The following CEP350 variants were observed in gnomAD, a reference collection of about 807,000 sequenced individuals.
CEP350 encodes centrosome-associated protein 350.
Under a neutral mutation model 331.8 loss-of-function variants are expected in CEP350, and 126 were observed. The ratio of observed to expected loss-of-function variants is 0.38; its 90% CI spans 0.33 to 0.44. The LOEUF (loss-of-function observed/expected upper bound fraction) is 0.44. CEP350 is among the 20% of genes least tolerant of loss of function. CEP350 has a pLI of 1.00. For synonymous variants in CEP350, 1,200 were observed against 1,259.5 expected, an observed-to-expected ratio of 0.95 and a Z score of 1.00; for missense variants, 3,406 against 3,634.6, an observed-to-expected ratio of 0.94 and a Z score of 1.62.
chr1:180,055,619 C>A (rs1057025541), intron 25 of CEP350, among the ~76,000 whole-genome samples: 2 of 131,280 alleles, frequency 1.5e-5, no homozygotes, highest in Non-Finnish European at 3.1e-5. Flanking sequence ...GGCGCTATCT[C>A]GGCTCACTGC....
intron 1 of CEP350, among the ~76,000 whole-genome samples, chr1:179,965,125 A>C (rs1415504922): frequency 2.0e-5 from 3 of 152,014 alleles, no homozygotes; most frequent in African/African-American, 7.2e-5. Context: ...GTTTCAAAGA[A>C]TTTTTTTATT....
chr1:180,037,777 G>A (rs368511063), intron 17 of CEP350, among the ~76,000 whole-genome samples: 2 of 152,172 alleles, frequency 1.3e-5, no homozygotes, highest in Admixed American at 1.3e-4. Context: ...AGCCTCCCAA[G>A]TAGCTGGGAC....
At chr1:179,993,399 A>G (rs1223724494) in intron 5 of CEP350, among the ~76,000 whole-genome samples, 2 of 152,140 alleles carry the variant, frequency 1.3e-5, no homozygotes, top group African/African-American at 4.8e-5. Flanking sequence ...AAATAATACT[A>G]CTTTACATTT....
intron 28 of CEP350, among the ~76,000 whole-genome samples, chr1:180,075,946 T>C (rs1659199167): frequency 6.6e-6 from 1 of 150,794 alleles, no homozygotes; most frequent in South Asian, 2.1e-4. Context: ...ACAGCGAGAC[T>C]CCGTATCTCA....
At position 180,087,489 on chromosome 1, in the gene CEP350, A is replaced by G. The variant is rs183973570; in HGVS notation, c.6286-89A>G. Reference sequence around the variant, plus strand: ...TATATTACATCTTCTTTACTGTTTGAGCATTTTACCTTAAAATATACTATT... The same window carrying G: ...TATATTACATCTTCTTTACTGTTTGGGCATTTTACCTTAAAATATACTATT... On this transcript the variant is annotated intron_variant, in intron 31 of 37. Coordinates refer to ENST00000367607, the MANE Select transcript of CEP350 (RefSeq NM_014810.5). 1.5e-4 allele frequency: 183 copies of G among 1,202,492 alleles called. No homozygotes were observed. The African/African-American group carries it at 1.6e-3, about 11-fold the overall frequency. The allele number at this position is 1,202,492 out of a possible 1,614,324, so 74.5% of individuals were successfully genotyped here.
chr1:180,089,539 C>T (rs758719743), intron 32 of CEP350, among the ~76,000 whole-genome samples: 1 of 150,550 alleles, frequency 6.6e-6, no homozygotes, highest in Admixed American at 6.6e-5. Flanking sequence ...GCCGAGATCA[C>T]GCCATTGCAC....
chr1:180,044,713 A>G (rs1301132085), intron 21 of CEP350, among the ~76,000 whole-genome samples: 2 of 150,084 alleles, frequency 1.3e-5, no homozygotes, highest in Admixed American at 6.6e-5. Context: ...GCATTAGGAG[A>G]TATACCTAAT....
chr1:180,006,587 C>G lies in CEP350; in HGVS notation c.1246+20C>G. 8.6e-7 allele frequency: 1 copy of G among 1,163,082 alleles called. No individual in the cohort carries two copies. 72.0% of individuals were successfully genotyped at this position (1,163,082 alleles called of 1,614,324 possible). On this transcript the variant is annotated intron_variant, in intron 8 of 37. Coordinates refer to ENST00000367607, the MANE Select transcript of CEP350 (RefSeq NM_014810.5). Reference sequence around the variant, plus strand: ...GAACAGGTTAGTTTTCTCAACATGTCCATCCTTTTTTTTTGTTTTTAATTA... The same window carrying G: ...GAACAGGTTAGTTTTCTCAACATGTGCATCCTTTTTTTTTGTTTTTAATTA...
At chr1:180,015,991 G>A (rs1048555677) in intron 11 of CEP350, 21 bp downstream of exon 11, 4 of 1,610,772 alleles carry the variant, frequency 2.5e-6, no homozygotes, top group Non-Finnish European at 3.4e-6. Flanking sequence ...AAGAATGAAA[G>A]ATGATTAAGA....
intron 1 of CEP350, among the ~76,000 whole-genome samples, chr1:179,955,823 CCTT>C (rs965314996): frequency 5.9e-5 from 9 of 152,286 alleles, no homozygotes; most frequent in African/African-American, 2.2e-4. Context: ...AGTAGCAAAT[CCTT>C]CATATGGGAA....
In CEP350 at chr1:180,078,308, A is replaced by G. The variant is rs12093463; in HGVS notation, c.5768-155A>G. 3.5e-3 allele frequency among the ~76,000 whole-genome samples: 529 copies of G among 152,326 alleles called. 5 individuals carry two copies. Among genetic ancestry groups the G allele is most frequent in the African/African-American group, 0.012 (500 of 41,568 alleles). On this transcript the variant is annotated intron_variant, in intron 28 of 37. Transcript: ENST00000367607. ...AGACTGTGAAATAGATAACCCAGAA[A>G]TAGATCTGTGCATCTGTGGAAGCTA...
chr1:180,009,448 G>T (rs1654479756), intron 8 of CEP350, among the ~76,000 whole-genome samples: 1 of 152,200 alleles, frequency 6.6e-6, no homozygotes, highest in South Asian at 2.1e-4. Flanking sequence ...CAGTTTTGTG[G>T]TAGGCTAATT....
rs1661531104 is a variant in CEP350 at position 180,112,951 on chromosome 1, T to C, written c.*1790T>C. The C allele has an allele frequency of 5.2e-5, 8 of 152,744 alleles. 1 individual carries two copies. In the South Asian group the frequency reaches 1.7e-3, roughly 32 times the overall value. The allele number at this position is 152,744 out of a possible 1,614,324, so 9.5% of individuals were successfully genotyped here. On this transcript the variant is annotated 3_prime_UTR_variant, in exon 38 of 38. Coordinates refer to ENST00000367607, the MANE Select transcript of CEP350 (RefSeq NM_014810.5). The stretch of plus-strand genomic sequence containing the variant: ...GACAAATAAGGAAAGCACTGAAATG[T>C]TGTGATTGGGTCTCGGGAAATGCTC...
At chr1:180,035,070 T>C (rs1386431754) in intron 16 of CEP350, among the ~76,000 whole-genome samples, 5 of 152,160 alleles carry the variant, frequency 3.3e-5, no homozygotes, top group African/African-American at 4.8e-5. Context: ...AAAATAGCCT[T>C]ATTGCTGATA....
intron 1 of CEP350, among the ~76,000 whole-genome samples, chr1:179,964,080 A>G (rs1049939728): frequency 6.6e-6 from 1 of 152,034 alleles, no homozygotes; most frequent in Non-Finnish European, 1.5e-5. Flanking sequence ...TCATGTGGCT[A>G]TTATAGATGG....
Position 180,020,344 on chromosome 1 carries a change from G to A in CEP350, c.2570G>A (p.Trp857Ter). ...GCCAGCATTAACTATGGGTCAGCATGGAACACTGAGTATGATGTGCAGCAG... is the reference window on the plus strand; with the variant it reads ...GCCAGCATTAACTATGGGTCAGCATAGAACACTGAGTATGATGTGCAGCAG... The part of the protein sequence containing the change: ...AGASINYGSA[W>*]NTEYDVQQAP... Residue 857 changes from tryptophan to a stop codon, truncating the protein, a stop_gained, in exon 12 of 38, where the codon TGG (tryptophan) becomes TAG (stop). Coordinates refer to ENST00000367607, the MANE Select transcript of CEP350 (RefSeq NM_014810.5). LOFTEE classifies it high-confidence loss of function. The A allele has an allele frequency of 6.2e-7, 1 of 1,613,822 alleles. No individual in the cohort carries two copies. Among genetic ancestry groups the A allele is most frequent in the Non-Finnish European group, 8.5e-7 (1 of 1,179,890 alleles).
At chr1:180,069,653 A>G (rs891710021) in intron 27 of CEP350, among the ~76,000 whole-genome samples, 10 of 152,190 alleles carry the variant, frequency 6.6e-5, no homozygotes, top group African/African-American at 2.4e-4. Flanking sequence ...AAGTAATAGA[A>G]TAGATTTTGC....
chr1:180,016,859 C>T (rs1235539294), intron 11 of CEP350, among the ~76,000 whole-genome samples: 1 of 151,882 alleles, frequency 6.6e-6, no homozygotes, highest in Non-Finnish European at 1.5e-5. Flanking sequence ...GACTTTGTTT[C>T]ACCATCTTGG....
chr1:179,988,701 A>G (rs1023317867), intron 3 of CEP350, among the ~76,000 whole-genome samples: 1 of 151,932 alleles, frequency 6.6e-6, no homozygotes, highest in Non-Finnish European at 1.5e-5. Flanking sequence ...TCTCTGGGCA[A>G]ATTACTTTCC....
Sources: gnomAD v4.1 joint callset for allele counts (sites outside exome capture counted in the v4.1 genomes callset) on GRCh38, gnomAD v4.1.1 for gene constraint, MANE v1.5 for transcripts, NCBI Gene and HGNC (gene_info 2026-07-23, HGNC 2026-07-21) for gene names.